BMX: variants seen among roughly 807,000 people sequenced by gnomAD.
The protein encoded by BMX is BMX non-receptor tyrosine kinase.
BMX carries 31 observed loss-of-function variants against 59.2 expected under a neutral mutation model. The ratio of observed to expected loss-of-function variants is 0.52; its 90% CI spans 0.39 to 0.71. BMX has a LOEUF of 0.71. BMX is among the 30% of genes least tolerant of loss of function. BMX has a pLI of 0.00. For synonymous variants in BMX, 185 were observed against 181.0 expected (o/e 1.02, Z -0.18); for missense variants, 474 against 491.7 (o/e 0.96, Z 0.34).
intron 2 of BMX, among the ~76,000 whole-genome samples, chrX:15,508,811 C>T (rs1216345058): frequency 8.0e-5 from 9 of 111,948 alleles, no homozygotes; most frequent in Admixed American, 2.8e-4. Context: ...GGGATAGGAA[C>T]AGTAAGTGTT....
In BMX at chrX:15,534,359, C is replaced by G; in HGVS notation, c.1147+20C>G. 2 of 1,141,350 alleles carry G rather than the reference C, an allele frequency of 1.8e-6. No individual in the cohort carries two copies. Among genetic ancestry groups the G allele is most frequent in the Non-Finnish European group, 2.3e-6 (2 of 860,975 alleles). The allele number at this position is 1,141,350 out of a possible 1,213,427, so 94.1% of individuals were successfully genotyped here. A position where few individuals can be genotyped will look rare whatever the true frequency, so the allele number is the denominator to read the frequency against. ...CAGCAGGTAACTTATTTTAGTTTTT[C>G]TTTTATGGGCCCTTGTTGTAAAACA... On this transcript the variant is annotated intron_variant, in intron 12 of 18. Transcript: ENST00000348343.
intron 4 of BMX, 119 bp downstream of exon 4, chrX:15,511,637 A>G: frequency 1.8e-6 from 1 of 550,903 alleles, no homozygotes; most frequent in Non-Finnish European, 2.9e-6. Flanking sequence ...GCCAAGAGAC[A>G]ATCTACTGAT....
At chrX:15,536,875 T>C (rs985571282) in intron 13 of BMX, among the ~76,000 whole-genome samples, 4 of 111,614 alleles carry the variant, frequency 3.6e-5, no homozygotes, top group South Asian at 3.8e-4. Context: ...ATGCCTCTGA[T>C]TGGCAAATTG....
At chrX:15,511,664 G>A in intron 4 of BMX, 146 bp downstream of exon 4, 1 of 486,951 alleles carries the variant, frequency 2.1e-6, no homozygotes, top group Non-Finnish European at 3.4e-6. Context: ...ACCAACCTCA[G>A]GGAATGTGTC....
chrX:15,539,006 G>A (rs959492491), intron 14 of BMX, among the ~76,000 whole-genome samples: 1 of 111,213 alleles, frequency 9.0e-6, no homozygotes, highest in Non-Finnish European at 1.9e-5. Context: ...GTAATACTTC[G>A]TGATTTTTAA....
chrX:15,516,021 T>C (rs1924139306), intron 4 of BMX, 91 bp from the exon 5 acceptor site: 1 of 1,136,900 alleles, frequency 8.8e-7, no homozygotes, highest in Non-Finnish European at 1.2e-6. Flanking sequence ...AATGGGGTTT[T>C]TATTGTTCTG....
At chrX:15,547,357 T>A (rs1238142447) in intron 17 of BMX, among the ~76,000 whole-genome samples, 1 of 112,106 alleles carries the variant, frequency 8.9e-6, no homozygotes, top group Non-Finnish European at 1.9e-5. Flanking sequence ...CCCCAAACGT[T>A]GAAAAGACAT....
At chrX:15,511,341 C>T in intron 3 of BMX, 96 bp from the exon 4 acceptor site, 2 of 676,321 alleles carry the variant, frequency 3.0e-6, no homozygotes, top group South Asian at 2.9e-5. Context: ...TATAAGCAAA[C>T]TCAAGGTTTC....
chrX:15,513,367 T>C (rs1924033437), intron 4 of BMX, among the ~76,000 whole-genome samples: 1 of 111,897 alleles, frequency 8.9e-6, no homozygotes, highest in Non-Finnish European at 1.9e-5. Flanking sequence ...CATTGATGTG[T>C]ACAAAGGAGG....
intron 4 of BMX, among the ~76,000 whole-genome samples, chrX:15,513,499 G>C (rs1048041962): frequency 4.5e-5 from 5 of 111,988 alleles, no homozygotes; most frequent in Non-Finnish European, 7.5e-5. Flanking sequence ...AGGTTCTCCT[G>C]CTCAAATATT....
chrX:15,530,437 C>T (rs73635817), intron 10 of BMX, among the ~76,000 whole-genome samples: 7,649 of 111,484 alleles, frequency 0.069, 640 homozygotes, highest in African/African-American at 0.23. Flanking sequence ...CCATGTGCCT[C>T]ACTTGGGCCT....
At chrX:15,529,834 C>A in intron 9 of BMX, 139 bp from the exon 10 acceptor site, 1 of 449,826 alleles carries the variant, frequency 2.2e-6, no homozygotes, top group Non-Finnish European at 3.8e-6. Flanking sequence ...AAAAGCTCCT[C>A]AAATCATTCT....
intron 2 of BMX, among the ~76,000 whole-genome samples, chrX:15,508,834 T>C (rs1324177949): frequency 9.0e-6 from 1 of 111,731 alleles, no homozygotes; most frequent in African/African-American, 3.3e-5. Context: ...AGACATCTAG[T>C]GAGTAGAGGC....
At chrX:15,515,710 C>G (rs1482739181) in intron 4 of BMX, among the ~76,000 whole-genome samples, 1 of 111,259 alleles carries the variant, frequency 9.0e-6, no homozygotes, top group Non-Finnish European at 1.9e-5. Flanking sequence ...TATGTTTATT[C>G]AGGCCTTTTT....
At chrX:15,536,572 T>TA (rs1383982854) in intron 13 of BMX, 145 bp downstream of exon 13, 4 of 427,761 alleles carry the variant, frequency 9.4e-6, no homozygotes, top group Non-Finnish European at 1.1e-5. Context: ...AGGATTTTCT[T>TA]TAAAAAAAAA....
chrX:15,511,257 G>A (rs1923944865), intron 3 of BMX, among the ~76,000 whole-genome samples, 180 bp from the exon 4 acceptor site: 1 of 111,992 alleles, frequency 8.9e-6, no homozygotes, highest in Non-Finnish European at 1.9e-5. Context: ...GAGTGTCTGG[G>A]ATAAAACAAA....
chrX:15,529,334 C>A (rs750000070), intron 9 of BMX, among the ~76,000 whole-genome samples: 2 of 111,793 alleles, frequency 1.8e-5, no homozygotes, highest in African/African-American at 6.5e-5. Flanking sequence ...CCCTCACCCC[C>A]CTCTTGTACT....
chrX:15,531,502 A>G, intron 11 of BMX, 95 bp downstream of exon 11: 2 of 743,261 alleles, frequency 2.7e-6, no homozygotes, highest in East Asian at 6.6e-5. Flanking sequence ...CATCATCTTT[A>G]AACTCTGGAA....
At position 15,529,996 on chromosome X, in the gene BMX, GATCACA is replaced by G. The variant is rs1475474624; in HGVS notation, c.912_917del (p.Gln305_Ser306del). ...AGCTGGTTTGCTGGTAACATCTCCA[GATCACA>G]ATCTGAACAGTTACTCAGACAAAAG... On this transcript the variant is annotated inframe_deletion, in exon 10 of 19. Transcript: ENST00000348343. 1 of 1,207,416 alleles carries G rather than the reference GATCACA, an allele frequency of 8.3e-7. No homozygotes were observed. The highest frequency in any genetic ancestry group is 1.1e-6 in the Non-Finnish European group (1 of 893,433).
Sources: gnomAD v4.1 joint callset for allele counts (sites outside exome capture counted in the v4.1 genomes callset) on GRCh38, gnomAD v4.1.1 for gene constraint, MANE v1.5 for transcripts, NCBI Gene and HGNC (gene_info 2026-07-23, HGNC 2026-07-21) for gene names.